The following ST3GAL3 variants were observed in gnomAD, a reference collection of about 807,000 sequenced individuals.
ST3GAL3 encodes CMP-N-acetylneuraminate-beta-1,4-galactoside alpha-2,3-sialyltransferase.
ST3GAL3 carries 21 observed loss-of-function variants against 50.1 expected under a neutral mutation model. That is an observed-to-expected ratio of 0.42 (90% CI 0.30 to 0.60). The LOEUF (loss-of-function observed/expected upper bound fraction) is 0.60. Among genes scored for constraint, ST3GAL3 ranks in the 20% least tolerant of loss-of-function variants. ST3GAL3 has a pLI of 0.19. For missense variants in ST3GAL3, 353 were observed against 489.4 expected, an observed-to-expected ratio of 0.72 and a Z score of 2.63; for synonymous variants, 183 against 190.0, an observed-to-expected ratio of 0.96 and a Z score of 0.30.
rs199593585 is a variant in ST3GAL3, at chr1:43,920,391, G to A, written c.745-13G>A. 1.3e-4 allele frequency: 214 copies of A among 1,614,066 alleles called. 1 individual carries two copies. The African/African-American group carries it at 2.4e-3, about 18-fold the overall frequency. On this transcript the variant is annotated splice_polypyrimidine_tract_variant and intron_variant, in intron 9 of 11. Transcript: ENST00000347631. ...GTGTGCCTCGTTGAGGCCCGCTTTTGCTGTGTCCACAGAGTGCATCGGATG... is the reference window on the plus strand; with the variant it reads ...GTGTGCCTCGTTGAGGCCCGCTTTTACTGTGTCCACAGAGTGCATCGGATG...
chr1:43,792,260 A>AT lies in ST3GAL3; in HGVS notation c.166+113dup, dbSNP rs1431317663. The stretch of plus-strand genomic sequence containing the variant: ...GGGGAGGGCAGTGGAATATCCCAGA[A>AT]TTGGGGGAAGTCTCAAGAAGCCTTT... On this transcript the variant is annotated intron_variant, in intron 3 of 11. Transcript: ENST00000347631. The AT allele has an allele frequency of 3.1e-4, 435 of 1,385,738 alleles. 2 individuals are homozygous for AT. In the East Asian group the frequency reaches 4.8e-3, roughly 15 times the overall value. 85.8% of individuals were successfully genotyped at this position (1,385,738 alleles called of 1,614,324 possible).
intron 9 of ST3GAL3, chr1:43,919,065 G>GTTTGTTTT (rs1427373785): frequency 2.0e-5 from 1 of 48,988 alleles, no homozygotes; most frequent in Non-Finnish European, 4.8e-5. Flanking sequence ...TCCTTTCTTT[G>GTTTGTTTT]TTTCTTTTTT....
chr1:43,836,682 C>T (rs552917925), intron 4 of ST3GAL3, among the ~76,000 whole-genome samples: 1 of 152,332 alleles, frequency 6.6e-6, no homozygotes, highest in Admixed American at 6.5e-5. Flanking sequence ...GGTGGGGACT[C>T]AGAACTGGCA....
chr1:43,763,703 CT>C (rs1178646625), intron 2 of ST3GAL3, among the ~76,000 whole-genome samples: 22 of 152,148 alleles, frequency 1.4e-4, no homozygotes, highest in Non-Finnish European at 2.6e-4. Flanking sequence ...TGGAGTAGTT[CT>C]TCAACTCACT....
At chr1:43,775,948 A>G (rs981498519) in intron 2 of ST3GAL3, among the ~76,000 whole-genome samples, 4 of 152,176 alleles carry the variant, frequency 2.6e-5, no homozygotes, top group Admixed American at 6.5e-5. Context: ...GCCTCCATTG[A>G]CCACAGTATG....
chr1:43,754,473 T>C (rs1687321989), intron 2 of ST3GAL3, among the ~76,000 whole-genome samples: 2 of 152,124 alleles, frequency 1.3e-5, no homozygotes, highest in Non-Finnish European at 2.9e-5. Context: ...ATTACAGGCA[T>C]GAGCCACCAC....
chr1:43,867,174 A>C (rs1339640487), intron 5 of ST3GAL3, among the ~76,000 whole-genome samples: 1 of 152,168 alleles, frequency 6.6e-6, no homozygotes, highest in Non-Finnish European at 1.5e-5. Context: ...ATTCACTATG[A>C]TGAGAATAGC....
In ST3GAL3 at chr1:43,761,950, CAAAAAAAAA is replaced by C. The variant is rs67747915; in HGVS notation, c.118+25591_118+25599del. Among the ~76,000 whole-genome samples, 538 of 68,832 alleles carry C rather than the reference CAAAAAAAAA, an allele frequency of 7.8e-3. 5 individuals are homozygous for C. The highest frequency in any genetic ancestry group is 0.033 in the East Asian group (95 of 2,894). The allele number at this position is 68,832 out of a possible 152,430, so 45.2% of individuals were successfully genotyped here. A position where few individuals can be genotyped will look rare whatever the true frequency, so the allele number is the denominator to read the frequency against. ...TGGGCAACAGAGCGACACTCTGTCTCAAAAAAAAAAAAAAAAAAAAAAAAAAAAATTCAG... is the reference window on the plus strand; with the variant it reads ...TGGGCAACAGAGCGACACTCTGTCTCAAAAAAAAAAAAAAAAAAAATTCAG... On this transcript the variant is annotated intron_variant, in intron 2 of 11. Coordinates refer to ENST00000347631, the MANE Select transcript of ST3GAL3 (RefSeq NM_006279.5).
chr1:43,880,429 A>G (rs1289189795), intron 5 of ST3GAL3, among the ~76,000 whole-genome samples: 3 of 152,030 alleles, frequency 2.0e-5, no homozygotes. Context: ...CACGGAAAAG[A>G]TATCCTGTCT....
rs568933080 is a variant in ST3GAL3 at position 43,780,089 on chromosome 1, C to G, written c.119-12013C>G. ...TTTTTTACTTCTTCATTTAATGGAACACATCTTGTACTGATTTCCTGAGAA... is the reference window on the plus strand; with the variant it reads ...TTTTTTACTTCTTCATTTAATGGAAGACATCTTGTACTGATTTCCTGAGAA... On this transcript the variant is annotated intron_variant, in intron 2 of 11. Transcript: ENST00000347631. 9.5e-4 allele frequency among the ~76,000 whole-genome samples: 145 copies of G among 152,214 alleles called. 1 individual carries two copies. The South Asian group carries it at 0.022, about 23-fold the overall frequency.
In ST3GAL3 at chr1:43,815,143, G is replaced by T; in HGVS notation, c.209+210G>T. On this transcript the variant is annotated intron_variant, in intron 4 of 11. Coordinates refer to ENST00000347631, the MANE Select transcript of ST3GAL3 (RefSeq NM_006279.5). ...TGATGGGTGCAAACATAAGGCCTTC[G>T]ATTTGGCTGGCACAGGCAGCTCATT... 1.1e-5 allele frequency: 7 copies of T among 623,164 alleles called. No homozygotes were observed. In the Admixed American group the frequency reaches 1.6e-4, roughly 15 times the overall value. The allele number at this position is 623,164 out of a possible 1,614,324, so 38.6% of individuals were successfully genotyped here.
intron 2 of ST3GAL3, among the ~76,000 whole-genome samples, chr1:43,761,441 G>T (rs1413240670): frequency 6.6e-6 from 1 of 151,890 alleles, no homozygotes; most frequent in Admixed American, 6.6e-5. Context: ...ATGTCCAGAA[G>T]GATGTATTTA....
At chr1:43,729,644 A>G (rs1472716102) in intron 1 of ST3GAL3, among the ~76,000 whole-genome samples, 3 of 152,128 alleles carry the variant, frequency 2.0e-5, no homozygotes, top group Non-Finnish European at 4.4e-5. Flanking sequence ...ACTGGTTTTT[A>G]GATTATTTAG....
chr1:43,875,334 G>A (rs1001465983), intron 5 of ST3GAL3, among the ~76,000 whole-genome samples: 6 of 152,064 alleles, frequency 3.9e-5, no homozygotes, highest in South Asian at 2.1e-4. Flanking sequence ...TATTAGCAGC[G>A]ACCTAGTTTA....
intron 5 of ST3GAL3, among the ~76,000 whole-genome samples, chr1:43,861,794 C>G (rs2070000839): frequency 6.6e-6 from 1 of 152,154 alleles, no homozygotes; most frequent in Admixed American, 6.5e-5. Context: ...TTTGGGAGGC[C>G]AGGGCAGGCG....
chr1:43,801,365 G>A (rs540439520), intron 3 of ST3GAL3: 68 of 456,254 alleles, frequency 1.5e-4, no homozygotes, highest in African/African-American at 9.0e-4. Flanking sequence ...AATGCCAGTA[G>A]CATGTTAGGC....
intron 1 of ST3GAL3, among the ~76,000 whole-genome samples, chr1:43,728,228 G>T (rs891357846): frequency 1.3e-5 from 2 of 152,220 alleles, no homozygotes; most frequent in South Asian, 2.1e-4. Context: ...GCTGCACCCT[G>T]CTTCTTGTTA....
intron 2 of ST3GAL3, among the ~76,000 whole-genome samples, chr1:43,773,909 A>G (rs1215910527): frequency 6.6e-6 from 1 of 152,232 alleles, no homozygotes; most frequent in Admixed American, 6.5e-5. Flanking sequence ...TCACCTACAT[A>G]GTGTCTGTGC....
In ST3GAL3 at chr1:43,869,243, A is replaced by G. The variant is rs188545627; in HGVS notation, c.303-25140A>G. ...AGAGGTTTAACTATGAAAAGCCAAA[A>G]TCTGCCTTTCTGCAGCTTCCCCCTG... On this transcript the variant is annotated intron_variant, in intron 5 of 11. Coordinates refer to ENST00000347631, the MANE Select transcript of ST3GAL3 (RefSeq NM_006279.5). Among the ~76,000 whole-genome samples the G allele has an allele frequency of 2.2e-3, 331 of 152,276 alleles. 2 individuals carry two copies. Among genetic ancestry groups the G allele is most frequent in the African/African-American group, 7.4e-3 (309 of 41,534 alleles).
Sources: allele counts gnomAD v4.1 joint callset (sites outside exome capture counted in the v4.1 genomes callset), GRCh38; gene constraint gnomAD v4.1.1; transcripts MANE v1.5; gene names NCBI Gene and HGNC (gene_info 2026-07-23, HGNC 2026-07-21).